FGF10: variants seen among roughly 807,000 people sequenced by gnomAD.
FGF10 encodes the protein FGF-10.
In FGF10, 2 loss-of-function variants were observed where a neutral mutation model predicts 19.8. The ratio of observed to expected loss-of-function variants is 0.10; its 90% CI spans 0.04 to 0.32. The LOEUF (loss-of-function observed/expected upper bound fraction) is 0.32, where lower values mean the gene tolerates loss of function less well. FGF10 is among the 10% of genes least tolerant of loss of function. The probability of loss-of-function intolerance (pLI) is 1.00; values close to 1 mark genes in which losing one functional copy is unlikely to be tolerated. For missense variants in FGF10, 191 were observed against 246.3 expected (o/e 0.78, Z 1.50); for synonymous variants, 112 against 94.0 (o/e 1.19, Z -1.10).
At chr5:44,365,517 A>G (rs1741587358) in intron 1 of FGF10, among the ~76,000 whole-genome samples, 1 of 151,872 alleles carries the variant, frequency 6.6e-6, no homozygotes, top group Non-Finnish European at 1.5e-5. Context: ...TTGCAGTCTG[A>G]GCCATGACTA....
At chr5:44,376,515 A>AAC (rs1741866216) in intron 1 of FGF10, among the ~76,000 whole-genome samples, 1 of 131,806 alleles carries the variant, frequency 7.6e-6, no homozygotes, top group African/African-American at 3.1e-5. Flanking sequence ...AAAAAAAAAA[A>AAC]AACAAAAAAC....
At chr5:44,344,385 G>A (rs2111798682) in intron 1 of FGF10, among the ~76,000 whole-genome samples, 1 of 151,172 alleles carries the variant, frequency 6.6e-6, no homozygotes, top group South Asian at 2.1e-4. Context: ...TTTGTTACTA[G>A]GGTACTATAA....
At chr5:44,361,367 C>A (rs1741478763) in intron 1 of FGF10, among the ~76,000 whole-genome samples, 1 of 151,618 alleles carries the variant, frequency 6.6e-6, no homozygotes, top group South Asian at 2.1e-4. Context: ...ATTTGAAGGC[C>A]ACTCAAGGGG....
chr5:44,314,283 CT>C (rs1307540008), intron 1 of FGF10, among the ~76,000 whole-genome samples: 1 of 152,062 alleles, frequency 6.6e-6, no homozygotes, highest in Non-Finnish European at 1.5e-5. Context: ...TAGTAAACAT[CT>C]TGTGCAGATT....
intron 1 of FGF10, among the ~76,000 whole-genome samples, chr5:44,335,801 TGCTACTTTACCTAG>T (rs1561205646): frequency 6.6e-6 from 1 of 152,070 alleles, no homozygotes; most frequent in Non-Finnish European, 1.5e-5. Context: ...TTATAGAATA[TGCTACTTTACCTAG>T]GCATACCCAT....
At chr5:44,379,689 C>T (rs1741944719) in intron 1 of FGF10, among the ~76,000 whole-genome samples, 1 of 152,180 alleles carries the variant, frequency 6.6e-6, no homozygotes, top group Non-Finnish European at 1.5e-5. Flanking sequence ...AATTTAACAT[C>T]CAGTTGAATG....
chr5:44,307,629 T>A (rs1362471283), intron 2 of FGF10, among the ~76,000 whole-genome samples: 1 of 152,154 alleles, frequency 6.6e-6, no homozygotes, highest in East Asian at 1.9e-4. Flanking sequence ...TTTGCCCAAG[T>A]CAGATTTTTA....
At chr5:44,336,366 G>A (rs575408608) in intron 1 of FGF10, among the ~76,000 whole-genome samples, 13 of 151,860 alleles carry the variant, frequency 8.6e-5, no homozygotes, top group South Asian at 4.1e-4. Flanking sequence ...TTTTATTCTC[G>A]TCTTTTTGTG....
rs1366659127 is a variant in FGF10, at chr5:44,302,275, TTTCCTTGCTTCCTTCC to T, written c.*2704_*2719del. Among the ~76,000 whole-genome samples, 401 of 136,458 alleles carry T rather than the reference TTTCCTTGCTTCCTTCC, an allele frequency of 2.9e-3. 3 individuals carry two copies. Among genetic ancestry groups the T allele is most frequent in the African/African-American group, 0.011 (387 of 35,406 alleles). The allele number at this position is 136,458 out of a possible 152,430, so 89.5% of individuals were successfully genotyped here. On this transcript the variant is annotated 3_prime_UTR_variant, in exon 3 of 3. Coordinates refer to ENST00000264664, the MANE Select transcript of FGF10 (RefSeq NM_004465.2). ...CCTCCCTTCTTTCCTTCCTTCCTTCTTTCCTTGCTTCCTTCCTTCCTTCCTTCCTTCCTTCCTTCCT... is the reference window on the plus strand; with the variant it reads ...CCTCCCTTCTTTCCTTCCTTCCTTCTTTCCTTCCTTCCTTCCTTCCTTCCT...
chr5:44,380,368 A>G (rs943668354), intron 1 of FGF10, among the ~76,000 whole-genome samples: 1 of 152,230 alleles, frequency 6.6e-6, no homozygotes, highest in Non-Finnish European at 1.5e-5. Flanking sequence ...TCAGTGCCAA[A>G]AAATTCTTAG....
intron 1 of FGF10, among the ~76,000 whole-genome samples, chr5:44,346,981 T>C (rs1274155265): frequency 6.6e-6 from 1 of 151,794 alleles, no homozygotes; most frequent in East Asian, 1.9e-4. Flanking sequence ...TTTCAAAAAA[T>C]GAATTAATAT....
chr5:44,306,248 T>G (rs368868513), intron 2 of FGF10, among the ~76,000 whole-genome samples: 88 of 151,894 alleles, frequency 5.8e-4, no homozygotes, highest in Non-Finnish European at 1.1e-3. Flanking sequence ...ATAGAAAAAA[T>G]TAGCCAGGCG....
intron 1 of FGF10, among the ~76,000 whole-genome samples, chr5:44,367,545 C>T (rs1480238000): frequency 6.6e-6 from 1 of 151,980 alleles, no homozygotes; most frequent in Non-Finnish European, 1.5e-5. Flanking sequence ...AAATCCTAGT[C>T]TCATCAATTA....
At chr5:44,372,030 G>T (rs1741752031) in intron 1 of FGF10, among the ~76,000 whole-genome samples, 1 of 152,062 alleles carries the variant, frequency 6.6e-6, no homozygotes, top group South Asian at 2.1e-4. Flanking sequence ...TACTTTTCTA[G>T]GGCCGATATA....
At chr5:44,317,343 A>G (rs1267576065) in intron 1 of FGF10, among the ~76,000 whole-genome samples, 2 of 152,198 alleles carry the variant, frequency 1.3e-5, no homozygotes, top group Non-Finnish European at 2.9e-5. Context: ...TACCAAAATG[A>G]CATTTTACAT....
chr5:44,302,545 G>A lies in FGF10; in HGVS notation c.*2450C>T, dbSNP rs1270854817. On this transcript the variant is annotated 3_prime_UTR_variant, in exon 3 of 3. Coordinates refer to ENST00000264664, the MANE Select transcript of FGF10 (RefSeq NM_004465.2). The stretch of plus-strand genomic sequence containing the variant: ...GGCTACATTTGTTTTGTTTTGTTTT[G>A]TTTAAGAGAAGGATGTCTCACTAGG... Among the ~76,000 whole-genome samples the A allele has an allele frequency of 6.6e-6, 1 of 151,800 alleles. No individual in the cohort carries two copies. Among genetic ancestry groups the A allele is most frequent in the Non-Finnish European group, 1.5e-5 (1 of 67,930 alleles).
intron 1 of FGF10, among the ~76,000 whole-genome samples, chr5:44,365,322 G>C (rs1023358217): frequency 6.9e-6 from 1 of 143,920 alleles, no homozygotes; most frequent in African/African-American, 2.6e-5. Flanking sequence ...CTCTTTTCTG[G>C]TGGTCAATTT....
At chr5:44,346,387 A>G (rs1375050929) in intron 1 of FGF10, among the ~76,000 whole-genome samples, 2 of 151,862 alleles carry the variant, frequency 1.3e-5, no homozygotes, top group Non-Finnish European at 2.9e-5. Context: ...ACTTACATCA[A>G]TCCATTCACT....
At chr5:44,341,519 G>A (rs1740971613) in intron 1 of FGF10, among the ~76,000 whole-genome samples, 2 of 151,672 alleles carry the variant, frequency 1.3e-5, no homozygotes, top group East Asian at 1.9e-4. Flanking sequence ...AACCTGATGA[G>A]TGTTTTCAAG....
Sources: gnomAD v4.1 joint callset for allele counts (sites outside exome capture counted in the v4.1 genomes callset) on GRCh38, gnomAD v4.1.1 for gene constraint, MANE v1.5 for transcripts, NCBI Gene and HGNC (gene_info 2026-07-23, HGNC 2026-07-21) for gene names.